ELF4: variants seen among roughly 807,000 people sequenced by gnomAD.
The protein encoded by ELF4 is E74 like ETS transcription factor 4.
ELF4 carries 10 observed loss-of-function variants against 31.7 expected under a neutral mutation model. The ratio of observed to expected loss-of-function variants is 0.32; its 90% CI spans 0.19 to 0.54. ELF4 has a LOEUF of 0.54. Among genes scored for constraint, ELF4 ranks in the 20% least tolerant of loss-of-function variants. The pLI, the probability that ELF4 is intolerant of heterozygous loss-of-function variation, is 0.95. For synonymous variants in ELF4, 208 were observed against 226.7 expected, an observed-to-expected ratio of 0.92 and a Z score of 0.74; for missense variants, 418 against 522.0, an observed-to-expected ratio of 0.80 and a Z score of 1.94.
chrX:130,109,277 C>T (rs1933430937), intron 1 of ELF4, among the ~76,000 whole-genome samples: 1 of 112,325 alleles, frequency 8.9e-6, no homozygotes, highest in Admixed American at 9.4e-5. Flanking sequence ...TCCGCTCCTA[C>T]CTCCCCACCT....
Position 130,071,221 on chromosome X carries a change from A to G in ELF4, c.628T>C (p.Tyr210His). The change falls in exon 7 of 9, where the codon TAT (tyrosine) becomes CAT (histidine). Residue 210 changes from tyrosine (Y) to histidine (H), a missense_variant. Physicochemically the swap from Tyr to His is moderately conservative, Grantham distance 83. Transcript: ENST00000308167. ...AGAGCCAGGAGGAACTCCCACAGAT[A>G]GATGGTGCTGCCTGCAGAGGGGCAG... is the stretch of plus-strand genomic sequence containing the variant. ...KSKDGKGSTI[Y>H]LWEFLLALLQ... The G allele has an allele frequency of 8.3e-7, 1 of 1,211,561 alleles. No homozygotes were observed. Among genetic ancestry groups the G allele is most frequent in the Non-Finnish European group, 1.1e-6 (1 of 895,525 alleles).
In ELF4 at chrX:130,072,432, A is replaced by G. The variant is rs149524254; in HGVS notation, c.341-15T>C. On this transcript the variant is annotated splice_polypyrimidine_tract_variant and intron_variant, in intron 4 of 8. Coordinates refer to ENST00000308167, the MANE Select transcript of ELF4 (RefSeq NM_001421.4). ...GGAGGTACTGACTGCAAGAAGAAAG[A>G]CCTGAGGTGGGCGGGGCCCAGGCAG... The G allele has an allele frequency of 8.0e-4, 969 of 1,209,515 alleles. 3 individuals carry two copies. The African/African-American group carries it at 0.013, about 16-fold the overall frequency.
At chrX:130,091,836 A>G (rs1392333754) in intron 1 of ELF4, among the ~76,000 whole-genome samples, 27 of 111,655 alleles carry the variant, frequency 2.4e-4, no homozygotes, top group Admixed American at 2.4e-3. Flanking sequence ...GTCTAGCCCT[A>G]TGACTTAGAC....
chrX:130,083,354 T>TC (rs1394986087), intron 1 of ELF4, among the ~76,000 whole-genome samples: 1 of 99,631 alleles, frequency 1.0e-5, no homozygotes, highest in Non-Finnish European at 2.0e-5. Context: ...GGAAGGTCTG[T>TC]CCCCCCTGCC....
At chrX:130,083,324 T>A (rs1235377899) in intron 1 of ELF4, among the ~76,000 whole-genome samples, 1 of 75,311 alleles carries the variant, frequency 1.3e-5, no homozygotes, top group Non-Finnish European at 2.3e-5. Flanking sequence ...CTGTGAAGCC[T>A]CCCAAGGCCA....
chrX:130,098,526 G>T (rs1933190228), intron 1 of ELF4, among the ~76,000 whole-genome samples: 2 of 111,888 alleles, frequency 1.8e-5, no homozygotes, highest in Non-Finnish European at 3.8e-5. Flanking sequence ...AGGCTGGGAA[G>T]TCCTTGGGCA....
In ELF4 at chrX:130,074,130, C is replaced by T; in HGVS notation, c.259G>A (p.Ala87Thr). ...GCGGTTGACATGGTGTGCGAGGTGG[C>T]CTCATTGTCATCTGGTCCGGGTTCC... ...GSFLLTDDNE[A>T]TSHTMSTAEV... is the part of the protein sequence containing the mutation. Residue 87 changes from alanine (A) to threonine (T), a missense_variant, in exon 4 of 9, where the codon GCC (alanine) becomes ACC (threonine). Around this residue, in one of 4 missense-constraint regions of ELF4, gnomAD observed 35 missense variants for 76.4 expected, o/e 0.46. Transcript: ENST00000308167. 8.3e-7 allele frequency: 1 copy of T among 1,211,560 alleles called. No homozygotes were observed. Among genetic ancestry groups the T allele is most frequent in the Non-Finnish European group, 1.1e-6 (1 of 895,423 alleles).
rs375547258 is a variant in ELF4, at chrX:130,074,068, G to A, written c.321C>T (p.Ile107=). The change falls in exon 4 of 9, where the codon ATC becomes ATT. Residue 107 remains isoleucine (I), a synonymous_variant. Coordinates refer to ENST00000308167, the MANE Select transcript of ELF4 (RefSeq NM_001421.4). Reference sequence around the variant, plus strand: ...ACTTACAGATCTGCTTCTCATCCAGGATATCGCTGGGAGACTCCATATTGA... The same window carrying A: ...ACTTACAGATCTGCTTCTCATCCAGAATATCGCTGGGAGACTCCATATTGA... ...VLLNMESPSD[I]LDEKQIFSTS... 1 of 1,211,464 alleles carries A rather than the reference G, an allele frequency of 8.3e-7. No individual in the cohort carries two copies. Among genetic ancestry groups the A allele is most frequent in the African/African-American group, 1.7e-5 (1 of 57,722 alleles).
intron 2 of ELF4, 108 bp from the exon 3 acceptor site, chrX:130,074,860 G>A: frequency 2.2e-6 from 2 of 927,504 alleles, no homozygotes; most frequent in South Asian, 4.2e-5. Flanking sequence ...GGTTCATCAG[G>A]GACTGTCCTT....
Position 130,067,350 on chromosome X carries a change from C to T in ELF4, c.1363G>A (p.Asp455Asn), listed in dbSNP as rs1781804406. Residue 455 changes from aspartate (D) to asparagine (N), a missense_variant, in exon 9 of 9, where the codon GAC becomes AAC. Around this residue, in one of 4 missense-constraint regions of ELF4, gnomAD observed 260 missense variants for 269.2 expected, o/e 0.97. Transcript: ENST00000308167. ...QSVPAASTFK[D>N]TFTLQASFPL... ...AAAGAGGCCTGCAAAGTGAAGGTGT[C>T]CTTGAAAGTAGAGGCCGCTGGAACA... 8.3e-7 allele frequency: 1 copy of T among 1,210,661 alleles called. No homozygotes were observed. The highest frequency in any genetic ancestry group is 1.7e-5 in the African/African-American group (1 of 57,337).
chrX:130,080,537 G>C (rs1303631302), intron 2 of ELF4, among the ~76,000 whole-genome samples: 1 of 110,152 alleles, frequency 9.1e-6, no homozygotes, highest in African/African-American at 3.3e-5. Context: ...TCTTTCTACT[G>C]TGCCTGGATG....
At chrX:130,081,128 G>A (rs955635156) in intron 2 of ELF4, 128 bp downstream of exon 2, 1 of 809,574 alleles carries the variant, frequency 1.2e-6, no homozygotes, top group African/African-American at 2.0e-5. Context: ...GAGCATAGTA[G>A]GTGCTTGATG....
intron 2 of ELF4, among the ~76,000 whole-genome samples, chrX:130,077,080 A>T (rs747693488): frequency 2.7e-5 from 3 of 111,374 alleles, no homozygotes; most frequent in Admixed American, 9.6e-5. Context: ...GCAGTTGGGT[A>T]TAGTGATTAA....
At chrX:130,074,537 C>A in intron 3 of ELF4, 44 bp downstream of exon 3, 2 of 1,209,827 alleles carry the variant, frequency 1.7e-6, no homozygotes, top group South Asian at 1.8e-5. Context: ...AAAGACACAG[C>A]CCCTTTTTCT....
At chrX:130,092,108 C>T (rs1346618832) in intron 1 of ELF4, among the ~76,000 whole-genome samples, 2 of 112,170 alleles carry the variant, frequency 1.8e-5, no homozygotes, top group Admixed American at 9.4e-5. Context: ...CCCTCCAGTC[C>T]GGTGGGCTAA....
intron 1 of ELF4, among the ~76,000 whole-genome samples, chrX:130,099,450 T>A (rs966793838): frequency 1.8e-5 from 2 of 110,410 alleles, no homozygotes; most frequent in East Asian, 5.8e-4. Context: ...GGCGGGCGCC[T>A]GTAATCCCAG....
chrX:130,097,966 C>T (rs756114005), intron 1 of ELF4, among the ~76,000 whole-genome samples: 3 of 112,557 alleles, frequency 2.7e-5, no homozygotes, highest in East Asian at 5.7e-4. Flanking sequence ...CTCCCCTTGC[C>T]GGGTGTTTAC....
At chrX:130,099,152 G>A (rs1281061624) in intron 1 of ELF4, among the ~76,000 whole-genome samples, 4 of 112,234 alleles carry the variant, frequency 3.6e-5, no homozygotes, top group African/African-American at 1.3e-4. Context: ...GTAACCACAG[G>A]CACGCCACGT....
intron 1 of ELF4, among the ~76,000 whole-genome samples, chrX:130,092,567 G>C (rs924717108): frequency 1.8e-5 from 2 of 112,612 alleles, no homozygotes; most frequent in African/African-American, 6.5e-5. Flanking sequence ...CCTACTACCA[G>C]ATGAGTAGAA....
Sources: gnomAD v4.1 joint callset for allele counts (sites outside exome capture counted in the v4.1 genomes callset) on GRCh38, gnomAD v4.1.1 for gene constraint, gnomAD v4.1.1 regional missense constraint, MANE v1.5 for transcripts, NCBI Gene and HGNC (gene_info 2026-07-23, HGNC 2026-07-21) for gene names.